The following RALGAPA2 variants were observed in gnomAD, a reference collection of about 807,000 sequenced individuals.
The protein encoded by RALGAPA2 is ral GTPase-activating protein subunit alpha-2.
Under a neutral mutation model 230.4 loss-of-function variants are expected in RALGAPA2, and 139 were observed. That is an observed-to-expected ratio of 0.60 (90% confidence interval 0.53 to 0.69). The LOEUF is 0.69. Among genes scored for constraint, RALGAPA2 ranks in the 30% least tolerant of loss-of-function variants. The probability of loss-of-function intolerance (pLI) is 0.00; values close to 1 mark genes in which losing one functional copy is unlikely to be tolerated. For missense variants in RALGAPA2, 2,163 were observed against 2,276.0 expected, an observed-to-expected ratio of 0.95 and a Z score of 1.01; for synonymous variants, 847 against 837.8, an observed-to-expected ratio of 1.01 and a Z score of -0.19.
At chr20:20,624,394 C>T (rs544981621) in intron 10 of RALGAPA2, among the ~76,000 whole-genome samples, 3 of 149,860 alleles carry the variant, frequency 2.0e-5, no homozygotes, top group Non-Finnish European at 4.4e-5. Flanking sequence ...GGACTTAAGG[C>T]ATAAGCGTTC....
intron 36 of RALGAPA2, among the ~76,000 whole-genome samples, chr20:20,483,675 T>C: frequency 6.6e-6 from 1 of 152,178 alleles, no homozygotes; most frequent in East Asian, 1.9e-4. Flanking sequence ...CCCTAAATCC[T>C]GTGTACAGAC....
At chr20:20,643,597 T>G (rs1173325763) in intron 4 of RALGAPA2, 48 bp from the exon 5 acceptor site, 1 of 1,348,320 alleles carries the variant, frequency 7.4e-7, no homozygotes, top group South Asian at 1.5e-5. Context: ...TAAATGCATA[T>G]CAAAGATCTA....
At chr20:20,505,815 T>G (rs1487375075) in intron 33 of RALGAPA2, among the ~76,000 whole-genome samples, 1 of 152,220 alleles carries the variant, frequency 6.6e-6, no homozygotes, top group East Asian at 1.9e-4. Flanking sequence ...GGATGGGAAC[T>G]GTCGCAAGGC....
intron 33 of RALGAPA2, among the ~76,000 whole-genome samples, chr20:20,509,648 G>A (rs2062642793): frequency 1.3e-5 from 2 of 152,250 alleles, no homozygotes; most frequent in East Asian, 1.9e-4. Flanking sequence ...TGCAATAAGA[G>A]GCGCTCAGTG....
At chr20:20,657,109 G>A (rs778967451) in intron 3 of RALGAPA2, among the ~76,000 whole-genome samples, 3 of 152,186 alleles carry the variant, frequency 2.0e-5, no homozygotes, top group Non-Finnish European at 4.4e-5. Flanking sequence ...AAAACATGCT[G>A]CAATGGAGGA....
intron 36 of RALGAPA2, among the ~76,000 whole-genome samples, chr20:20,482,062 T>C (rs1381471012): frequency 6.6e-6 from 1 of 152,218 alleles, no homozygotes; most frequent in Non-Finnish European, 1.5e-5. Flanking sequence ...CTCTGTATAA[T>C]ATAAATACAT....
At chr20:20,458,836 AGACCTATATATATATAGACC>A (rs2061225423) in intron 37 of RALGAPA2, among the ~76,000 whole-genome samples, 5 of 124,752 alleles carry the variant, frequency 4.0e-5, no homozygotes, top group Admixed American at 2.4e-4. Context: ...ATATATATAT[AGACCTATATATATATAGACC>A]TATATATATA....
intron 23 of RALGAPA2, among the ~76,000 whole-genome samples, chr20:20,554,526 A>G (rs2064023766): frequency 6.6e-6 from 1 of 152,092 alleles, no homozygotes; most frequent in African/African-American, 2.4e-5. Flanking sequence ...CCATTTTTAT[A>G]TCTTCTCTGG....
rs150396110 is a variant in RALGAPA2, at chr20:20,676,742, A to G, written c.218-454T>C. Among the ~76,000 whole-genome samples the G allele has an allele frequency of 3.4e-3, 520 of 152,160 alleles. 3 individuals are homozygous for G. The highest frequency in any genetic ancestry group is 0.012 in the African/African-American group (502 of 41,518). ...TAACAACAGTAATAAAACCTACAAC[A>G]CCTGCAGCTGAGGTTACCATTTTCG... On this transcript the variant is annotated intron_variant, in intron 2 of 39. Transcript: ENST00000202677.
At chr20:20,666,505 AAAAT>A (rs2067959669) in intron 3 of RALGAPA2, among the ~76,000 whole-genome samples, 1 of 152,206 alleles carries the variant, frequency 6.6e-6, no homozygotes, top group Non-Finnish European at 1.5e-5. Flanking sequence ...TACAGGAAAC[AAAAT>A]AAAAAGCAGT....
intron 32 of RALGAPA2, among the ~76,000 whole-genome samples, chr20:20,512,224 TACACACACACACACATACACAC>T (rs907259686): frequency 1.6e-4 from 22 of 137,786 alleles, no homozygotes; most frequent in African/African-American, 6.0e-4. Context: ...CAACCCCCCC[TACACACACACACACATACACAC>T]ACACACACAC....
chr20:20,610,158 G>A (rs984678950), intron 14 of RALGAPA2, among the ~76,000 whole-genome samples: 13 of 152,126 alleles, frequency 8.5e-5, no homozygotes, highest in African/African-American at 3.1e-4. Context: ...CAACTGAGGA[G>A]GGAAGTTAAT....
intron 38 of RALGAPA2, among the ~76,000 whole-genome samples, chr20:20,397,762 G>A (rs1181345361): frequency 6.6e-6 from 1 of 152,202 alleles, no homozygotes; most frequent in Non-Finnish European, 1.5e-5. Flanking sequence ...TTTTAGCCAA[G>A]GCTCCATGAA....
intron 9 of RALGAPA2, among the ~76,000 whole-genome samples, chr20:20,629,923 T>A (rs757562640): frequency 2.0e-5 from 3 of 152,220 alleles, no homozygotes; most frequent in Non-Finnish European, 4.4e-5. Flanking sequence ...ATTTGTATTA[T>A]CATCACATCA....
At chr20:20,526,856 A>G (rs1321668437) in intron 27 of RALGAPA2, among the ~76,000 whole-genome samples, 1 of 152,256 alleles carries the variant, frequency 6.6e-6, no homozygotes, top group Non-Finnish European at 1.5e-5. Flanking sequence ...AACTTGACCT[A>G]CATGTATAAC....
chr20:20,448,558 G>A (rs1165187963), intron 37 of RALGAPA2, among the ~76,000 whole-genome samples: 5 of 152,060 alleles, frequency 3.3e-5, no homozygotes, highest in Admixed American at 2.0e-4. Context: ...TATTACTTGA[G>A]TGTTACTATT....
chr20:20,504,980 T>C, intron 34 of RALGAPA2: 1 of 982,840 alleles, frequency 1.0e-6, no homozygotes, highest in Non-Finnish European at 1.2e-6. Flanking sequence ...AGCTAAACCA[T>C]CATGGCTATT....
chr20:20,426,889 T>G (rs912346742), intron 37 of RALGAPA2, among the ~76,000 whole-genome samples: 19 of 152,338 alleles, frequency 1.2e-4, no homozygotes, highest in African/African-American at 4.6e-4. Context: ...TCAAGTGCTT[T>G]TAATGGGTTG....
At chr20:20,682,993 G>T (rs915981260) in intron 1 of RALGAPA2, among the ~76,000 whole-genome samples, 1 of 152,078 alleles carries the variant, frequency 6.6e-6, no homozygotes, top group Non-Finnish European at 1.5e-5. Flanking sequence ...GGTCTTAAAG[G>T]CCTCTCAAAT....
Sources: allele counts gnomAD v4.1 joint callset (sites outside exome capture counted in the v4.1 genomes callset), GRCh38; gene constraint gnomAD v4.1.1; transcripts MANE v1.5; gene names NCBI Gene and HGNC (gene_info 2026-07-23, HGNC 2026-07-21).